ADGRV1: variants seen among roughly 807,000 people sequenced by gnomAD.
ADGRV1 encodes the protein G-protein coupled receptor 98.
ADGRV1 carries 359 observed loss-of-function variants against 596.2 expected under a neutral mutation model. That is an observed-to-expected ratio of 0.60 (90% confidence interval 0.55 to 0.66). The LOEUF is 0.66. Among genes scored for constraint, ADGRV1 ranks in the 30% least tolerant of loss-of-function variants. The probability of loss-of-function intolerance (pLI) is 0.00; values close to 1 mark genes in which losing one functional copy is unlikely to be tolerated. For synonymous variants in ADGRV1, 2,681 were observed against 2,679.2 expected, an observed-to-expected ratio of 1.00 and a Z score of -0.02; for missense variants, 7,274 against 7,575.6, an observed-to-expected ratio of 0.96 and a Z score of 1.48.
At chr5:91,142,172 T>G (rs1795151922) in intron 87 of ADGRV1, among the ~76,000 whole-genome samples, 1 of 152,214 alleles carries the variant, frequency 6.6e-6, no homozygotes, top group African/African-American at 2.4e-5. Context: ...TGACTGTCTC[T>G]ACCCCTTCCT....
At chr5:91,087,058 T>C (rs1789938642) in intron 86 of ADGRV1, among the ~76,000 whole-genome samples, 1 of 152,224 alleles carries the variant, frequency 6.6e-6, no homozygotes, top group South Asian at 2.1e-4. Context: ...CTGCTCTCAC[T>C]GCCTTTGCCT....
At chr5:90,751,319 G>T (rs1755226651) in intron 53 of ADGRV1, among the ~76,000 whole-genome samples, 1 of 152,110 alleles carries the variant, frequency 6.6e-6, no homozygotes, top group Non-Finnish European at 1.5e-5. Flanking sequence ...CTAAGCTATT[G>T]ATATCCCCAT....
At chr5:90,633,434 CA>C (rs1765754124) in intron 9 of ADGRV1, among the ~76,000 whole-genome samples, 1 of 151,860 alleles carries the variant, frequency 6.6e-6, no homozygotes, top group African/African-American at 2.4e-5. Context: ...ACAGTATTAT[CA>C]GTTTAGCTCT....
intron 83 of ADGRV1, among the ~76,000 whole-genome samples, chr5:90,876,650 T>C (rs1769247810): frequency 6.6e-6 from 1 of 152,236 alleles, no homozygotes; most frequent in Non-Finnish European, 1.5e-5. Flanking sequence ...TCAGGGTTAA[T>C]TATTGAAGAC....
Position 90,983,602 on chromosome 5 carries a change from G to A in ADGRV1, c.17974-1742G>A, listed in dbSNP as rs189549908. ...TTAACAGGCAGTATTGATTACCCCA[G>A]CAACAACACTTTACACAACCCCGCT... On this transcript the variant is annotated intron_variant, in intron 84 of 89. Transcript: ENST00000405460. 1.1e-3 allele frequency among the ~76,000 whole-genome samples: 160 copies of A among 152,050 alleles called. 1 individual carries two copies. Among genetic ancestry groups the A allele is most frequent in the African/African-American group, 3.6e-3 (148 of 41,448 alleles).
intron 74 of ADGRV1, among the ~76,000 whole-genome samples, chr5:90,815,393 G>A (rs1762798110): frequency 6.6e-6 from 1 of 152,154 alleles, no homozygotes; most frequent in Non-Finnish European, 1.5e-5. Flanking sequence ...GGGGGAAAGA[G>A]TGGGATTTGA....
intron 85 of ADGRV1, 107 bp from the exon 86 acceptor site, chr5:91,072,340 G>A: frequency 2.0e-6 from 2 of 991,800 alleles, no homozygotes; most frequent in Non-Finnish European, 3.2e-6. Flanking sequence ...GATGTTGCCA[G>A]CATCTGGATA....
intron 83 of ADGRV1, among the ~76,000 whole-genome samples, chr5:90,873,805 G>GAAA (rs4019420): frequency 1.7e-3 from 244 of 147,480 alleles, no homozygotes; most frequent in East Asian, 4.0e-3. Flanking sequence ...AAAAAGAAAG[G>GAAA]AAAAAAAAAA....
intron 84 of ADGRV1, among the ~76,000 whole-genome samples, chr5:90,981,619 C>T (rs1780085255): frequency 1.3e-5 from 2 of 152,154 alleles, no homozygotes; most frequent in South Asian, 4.1e-4. Context: ...GGGATGACAT[C>T]CTGTCCAGGG....
intron 50 of ADGRV1, among the ~76,000 whole-genome samples, chr5:90,735,692 C>A (rs1298164269): frequency 6.6e-6 from 1 of 151,954 alleles, no homozygotes; most frequent in Non-Finnish European, 1.5e-5. Context: ...TTTCTTTCAT[C>A]AGCGTTGTAC....
At chr5:90,595,885 G>T (rs1272492737) in intron 1 of ADGRV1, among the ~76,000 whole-genome samples, 1 of 150,270 alleles carries the variant, frequency 6.7e-6, no homozygotes, top group Admixed American at 6.6e-5. Context: ...CCTGGCGGGG[G>T]GCTGACCCCC....
chr5:90,645,889 A>T, intron 15 of ADGRV1, 79 bp from the exon 16 acceptor site: 1 of 1,179,026 alleles, frequency 8.5e-7, no homozygotes, highest in Non-Finnish European at 1.1e-6. Context: ...TTTTTTAAAA[A>T]AACTGAATAA....
chr5:90,778,853 C>T lies in ADGRV1; in HGVS notation c.12850-12C>T, dbSNP rs367553508. On this transcript the variant is annotated splice_polypyrimidine_tract_variant and intron_variant, in intron 63 of 89. Coordinates refer to ENST00000405460, the MANE Select transcript of ADGRV1 (RefSeq NM_032119.4). Reference sequence around the variant, plus strand: ...AACATCCAAATCAAATAAGAAAATGCATTTTGCATAGGTTAACATCACAAT... The same window carrying T: ...AACATCCAAATCAAATAAGAAAATGTATTTTGCATAGGTTAACATCACAAT... 6.3e-7 allele frequency: 1 copy of T among 1,589,598 alleles called. No individual in the cohort carries two copies. The highest frequency in any genetic ancestry group is 8.6e-7 in the Non-Finnish European group (1 of 1,162,348).
rs775674819 is a variant in ADGRV1 at position 91,031,375 on chromosome 5, C to T, written c.18153-41072C>T. The stretch of plus-strand genomic sequence containing the variant: ...ATCTCATCCGCTGACGGAAGTTCAT[C>T]ATTCTGCATGCTCTGTGCCATGGTC... On this transcript the variant is annotated intron_variant, in intron 85 of 89. Transcript: ENST00000405460. 1.7e-5 allele frequency: 19 copies of T among 1,131,266 alleles called. No homozygotes were observed. The Admixed American group carries it at 2.1e-4, about 12-fold the overall frequency. The allele number at this position is 1,131,266 out of a possible 1,614,324, so 70.1% of individuals were successfully genotyped here. A position where few individuals can be genotyped will look rare whatever the true frequency, so the allele number is the denominator to read the frequency against.
chr5:90,753,547 T>G, intron 53 of ADGRV1, 27 bp from the exon 54 acceptor site: 1 of 1,532,380 alleles, frequency 6.5e-7, no homozygotes, highest in Non-Finnish European at 9.0e-7. Flanking sequence ...ACAAAATAAA[T>G]AACATCTTCT....
At chr5:91,010,502 A>G (rs2151144317) in intron 85 of ADGRV1, among the ~76,000 whole-genome samples, 1 of 152,200 alleles carries the variant, frequency 6.6e-6, no homozygotes, top group East Asian at 1.9e-4. Context: ...TCAAGTTCTC[A>G]TTTATTTAGA....
intron 85 of ADGRV1, among the ~76,000 whole-genome samples, chr5:91,053,546 A>C (rs572751450): frequency 6.6e-6 from 1 of 152,240 alleles, no homozygotes; most frequent in African/African-American, 2.4e-5. Context: ...AAAGTTGAGA[A>C]ATTTTTGAGC....
intron 59 of ADGRV1, among the ~76,000 whole-genome samples, chr5:90,765,687 T>C (rs1461229445): frequency 6.6e-6 from 1 of 151,982 alleles, no homozygotes; most frequent in Non-Finnish European, 1.5e-5. Flanking sequence ...TTGTTACCTA[T>C]GTCAAATTCT....
At chr5:90,644,666 G>T in intron 14 of ADGRV1, 40 bp from the exon 15 acceptor site, 1 of 1,500,890 alleles carries the variant, frequency 6.7e-7, no homozygotes, top group East Asian at 2.4e-5. Flanking sequence ...TAAAAGTTTC[G>T]TATGTCTTCA....
Sources: allele counts gnomAD v4.1 joint callset (sites outside exome capture counted in the v4.1 genomes callset), GRCh38; gene constraint gnomAD v4.1.1; transcripts MANE v1.5; gene names NCBI Gene and HGNC (gene_info 2026-07-23, HGNC 2026-07-21).